The following TMEM131 variants were observed in gnomAD, a reference collection of about 807,000 sequenced individuals.
TMEM131 encodes transmembrane protein 131, also known as 2610524E03Rik.
TMEM131 carries 66 observed loss-of-function variants against 211.6 expected under a neutral mutation model. The observed-to-expected ratio is 0.31, with a 90% CI of 0.26 to 0.38. The LOEUF (loss-of-function observed/expected upper bound fraction) is 0.38, where lower values mean the gene tolerates loss of function less well. Ranked by LOEUF, TMEM131 falls within the 10% of genes least tolerant of loss-of-function variation. The probability of loss-of-function intolerance (pLI) is 1.00; values close to 1 mark genes in which losing one functional copy is unlikely to be tolerated. For synonymous variants in TMEM131, 844 were observed against 841.3 expected (o/e 1.00, Z -0.06); for missense variants, 2,036 against 2,299.3 (o/e 0.89, Z 2.34).
In TMEM131 at chr2:97,920,416, T is replaced by A. The variant is rs368431683; in HGVS notation, c.249+7010A>T. Among the ~76,000 whole-genome samples, 58 of 152,314 alleles carry A rather than the reference T, an allele frequency of 3.8e-4. No individual in the cohort carries two copies. In the East Asian group the frequency reaches 6.2e-3, roughly 16 times the overall value. On this transcript the variant is annotated intron_variant, in intron 2 of 40. Transcript: ENST00000186436. The stretch of plus-strand genomic sequence containing the variant: ...ACTACTAAATAGCACTGTATTAACA[T>A]CATACTGGCTGTAGCTAGTAAAGTT...
intron 7 of TMEM131, among the ~76,000 whole-genome samples, chr2:97,840,156 C>T (rs1289628027): frequency 6.6e-6 from 1 of 152,174 alleles, no homozygotes; most frequent in Non-Finnish European, 1.5e-5. Context: ...TCCATTTGCT[C>T]TCTTGTGTAA....
chr2:97,953,975 T>C (rs894620338), intron 1 of TMEM131, among the ~76,000 whole-genome samples: 1 of 152,154 alleles, frequency 6.6e-6, no homozygotes, highest in East Asian at 1.9e-4. Context: ...AAAATACATA[T>C]ACGTAAATAA....
At chr2:97,806,220 A>C (rs1681290059) in intron 19 of TMEM131, among the ~76,000 whole-genome samples, 1 of 152,226 alleles carries the variant, frequency 6.6e-6, no homozygotes, top group Non-Finnish European at 1.5e-5. Context: ...TTTTGAAATT[A>C]TGGGTTGTCA....
chr2:97,927,521 G>A (rs765889988), intron 1 of TMEM131, 34 bp from the exon 2 acceptor site: 1 of 1,497,056 alleles, frequency 6.7e-7, no homozygotes, highest in South Asian at 1.5e-5. Context: ...ATCACTTACA[G>A]GAACATAAAT....
chr2:97,772,220 C>G (rs1679501153), intron 33 of TMEM131, 77 bp downstream of exon 33: 2 of 1,553,354 alleles, frequency 1.3e-6, no homozygotes, highest in South Asian at 2.4e-5. Flanking sequence ...AGCCAAATGG[C>G]CAAATCAAAA....
chr2:97,951,694 A>G (rs1440127158), intron 1 of TMEM131, among the ~76,000 whole-genome samples: 1 of 152,152 alleles, frequency 6.6e-6, no homozygotes, highest in African/African-American at 2.4e-5. Flanking sequence ...ACACGGGGGA[A>G]AAACACAAAC....
chr2:97,772,268 T>C, intron 33 of TMEM131, 29 bp downstream of exon 33: 1 of 1,586,084 alleles, frequency 6.3e-7, no homozygotes, highest in Non-Finnish European at 8.5e-7. Context: ...TTTATAGACC[T>C]TATTTCTCTG....
intron 25 of TMEM131, among the ~76,000 whole-genome samples, chr2:97,799,332 T>C (rs1680911798): frequency 6.6e-6 from 1 of 152,178 alleles, no homozygotes; most frequent in South Asian, 2.1e-4. Context: ...ATGTCTTTAA[T>C]ATTCTGTGGG....
Position 97,781,490 on chromosome 2 carries a change from A to T in TMEM131, c.4145-5472T>A, listed in dbSNP as rs569224223. 2.5e-4 allele frequency among the ~76,000 whole-genome samples: 38 copies of T among 152,362 alleles called. 1 individual carries two copies. The South Asian group carries it at 7.2e-3, about 29-fold the overall frequency. On this transcript the variant is annotated intron_variant, in intron 31 of 40. Coordinates refer to ENST00000186436, the MANE Select transcript of TMEM131 (RefSeq NM_015348.2). ...GATTAGTACCAATCTGTGGCTTTAC[A>T]GTGAAAATTTCTACAAATGACTTTC...
Position 97,805,673 on chromosome 2 carries a change from T to A in TMEM131, c.2086A>T (p.Met696Leu). Residue 696 changes from methionine (M) to leucine (L), a missense_variant, in exon 20 of 41, where the codon ATG becomes TTG. By Grantham distance (15) the Met-to-Leu change is conservative. This residue lies in a region of TMEM131 where 1,623 missense variants were observed against 1,805.9 expected (regional missense o/e 0.90). Transcript: ENST00000186436. ...TTTACCTTCTGTGAGAAGGAATTCA[T>A]AATATTTAAACTTTGATGAACTATT... ...GKIVHQSLNI[M>L]NSFSQKVKIQ... The A allele has an allele frequency of 2.5e-6, 4 of 1,605,180 alleles. No homozygotes were observed. Among genetic ancestry groups the A allele is most frequent in the Non-Finnish European group, 3.4e-6 (4 of 1,174,222 alleles).
At chr2:97,940,357 G>A (rs1355771919) in intron 1 of TMEM131, among the ~76,000 whole-genome samples, 1 of 152,162 alleles carries the variant, frequency 6.6e-6, no homozygotes, top group East Asian at 1.9e-4. Context: ...AAAATCACAA[G>A]CACTCCTATA....
intron 1 of TMEM131, among the ~76,000 whole-genome samples, chr2:97,944,915 CTAAATA>C (rs1231682542): frequency 6.6e-6 from 1 of 152,056 alleles, no homozygotes; most frequent in Non-Finnish European, 1.5e-5. Context: ...ATTAAAAAAA[CTAAATA>C]TAAAGTTACC....
chr2:97,916,905 C>G (rs534042802), intron 2 of TMEM131, among the ~76,000 whole-genome samples: 1 of 152,146 alleles, frequency 6.6e-6, no homozygotes. Flanking sequence ...CTTGTCAACA[C>G]CCAATAAATA....
At chr2:97,819,781 T>A (rs1379665384) in intron 11 of TMEM131, among the ~76,000 whole-genome samples, 5 of 152,222 alleles carry the variant, frequency 3.3e-5, no homozygotes, top group African/African-American at 4.8e-5. Flanking sequence ...GTGAGACTTA[T>A]CAGGCAAGCC....
chr2:97,803,567 T>C (rs1410004801), intron 22 of TMEM131, among the ~76,000 whole-genome samples: 3 of 152,212 alleles, frequency 2.0e-5, no homozygotes, highest in Admixed American at 1.3e-4. Flanking sequence ...CCTAACTCTA[T>C]TGTTGTAGTG....
At position 97,792,594 on chromosome 2, in the gene TMEM131, C is replaced by A. The variant is rs1377947972; in HGVS notation, c.3936G>T (p.Gln1312His). 1 of 1,612,924 alleles carries A rather than the reference C, an allele frequency of 6.2e-7. No individual in the cohort carries two copies. The highest frequency in any genetic ancestry group is 1.3e-5 in the African/African-American group (1 of 75,032). ...GCCTTTCAGGCTGCGGCTCCTGGGGCTGAGGCACTGGCGGTGGCAGAGGAG... is the reference window on the plus strand; with the variant it reads ...GCCTTTCAGGCTGCGGCTCCTGGGGATGAGGCACTGGCGGTGGCAGAGGAG... ...PQPPLPPPVP[Q>H]PQEPQPERLS... The change falls in exon 31 of 41, where the codon CAG (glutamine) becomes CAT (histidine). Residue 1312 changes from glutamine (Q) to histidine (H), a missense_variant. Gln to His is a conservative substitution (Grantham distance 24). This residue lies in a region of TMEM131 where 1,623 missense variants were observed against 1,805.9 expected (regional missense o/e 0.90). Transcript: ENST00000186436.
intron 35 of TMEM131, chr2:97,765,451 G>T (rs1311705862): frequency 6.6e-6 from 1 of 152,574 alleles, no homozygotes; most frequent in East Asian, 1.9e-4. Context: ...GGTGAGTGCG[G>T]ACCAATCAGT....
At chr2:97,770,321 C>T (rs992116986) in intron 33 of TMEM131, among the ~76,000 whole-genome samples, 2 of 152,048 alleles carry the variant, frequency 1.3e-5, no homozygotes, top group Non-Finnish European at 2.9e-5. Flanking sequence ...TTCAGAAAAA[C>T]AAGAGATCAG....
chr2:97,816,232 T>C (rs1019594808), intron 12 of TMEM131, among the ~76,000 whole-genome samples: 3 of 152,000 alleles, frequency 2.0e-5, no homozygotes, highest in African/African-American at 4.8e-5. Context: ...TCTCAGCTAG[T>C]TGGCAGGCTG....
Sources: gnomAD v4.1 joint callset for allele counts (sites outside exome capture counted in the v4.1 genomes callset) on GRCh38, gnomAD v4.1.1 for gene constraint, gnomAD v4.1.1 regional missense constraint, MANE v1.5 for transcripts, NCBI Gene and HGNC (gene_info 2026-07-23, HGNC 2026-07-21) for gene names.